Variants in ARL15 observed in about 807,000 individuals in gnomAD.
ARL15 encodes the protein ARF like GTPase 15.
Under a neutral mutation model 25.2 loss-of-function variants are expected in ARL15, and 19 were observed. The ratio of observed to expected loss-of-function variants is 0.75; its 90% CI spans 0.53 to 1.10. ARL15 has a LOEUF of 1.10. ARL15 is among the 50% of genes least tolerant of loss of function. ARL15 has a pLI of 0.00. For synonymous variants in ARL15, 94 were observed against 86.8 expected (o/e 1.08, Z -0.46); for missense variants, 220 against 246.0 (o/e 0.89, Z 0.71).
chr5:53,938,141 T>C (rs948364608), intron 4 of ARL15, among the ~76,000 whole-genome samples: 5 of 152,174 alleles, frequency 3.3e-5, no homozygotes, highest in African/African-American at 1.2e-4. Flanking sequence ...CCTACAAACA[T>C]GCAAAATGTT....
chr5:54,236,199 CGGAT>C (rs750034554), intron 1 of ARL15, among the ~76,000 whole-genome samples: 83 of 152,284 alleles, frequency 5.5e-4, no homozygotes, highest in Non-Finnish European at 6.3e-4. Context: ...AGTGTCTGAT[CGGAT>C]AACTATGTTC....
intron 2 of ARL15, among the ~76,000 whole-genome samples, chr5:54,165,552 A>G (rs564881812): frequency 6.6e-6 from 1 of 151,486 alleles, no homozygotes; most frequent in East Asian, 1.9e-4. Context: ...GCATTTTTCC[A>G]GTGAAAAAAT....
chr5:54,141,437 G>A (rs1028140941), intron 3 of ARL15, among the ~76,000 whole-genome samples: 6 of 151,922 alleles, frequency 3.9e-5, no homozygotes, highest in African/African-American at 9.7e-5. Context: ...CCAAGAAAAG[G>A]GCCAAAGTCT....
intron 1 of ARL15, among the ~76,000 whole-genome samples, chr5:54,194,461 C>T (rs1010558476): frequency 6.6e-6 from 1 of 151,774 alleles, no homozygotes; most frequent in African/African-American, 2.4e-5. Flanking sequence ...GTATTTTGGC[C>T]CTAAAACATT....
chr5:54,132,637 G>A (rs1035592585), intron 3 of ARL15, among the ~76,000 whole-genome samples: 1 of 151,994 alleles, frequency 6.6e-6, no homozygotes, highest in Non-Finnish European at 1.5e-5. Context: ...CTACTCCATA[G>A]ATAGGGGCTG....
At chr5:54,097,921 A>T (rs1430535034) in intron 4 of ARL15, among the ~76,000 whole-genome samples, 1 of 152,142 alleles carries the variant, frequency 6.6e-6, no homozygotes, top group African/African-American at 2.4e-5. Flanking sequence ...TGAGGACATA[A>T]ATTCACAAAC....
intron 4 of ARL15, among the ~76,000 whole-genome samples, chr5:53,898,952 C>A (rs1057351126): frequency 6.6e-6 from 1 of 152,154 alleles, no homozygotes; most frequent in Non-Finnish European, 1.5e-5. Context: ...CTGTACCCAG[C>A]CCCTTTTTAT....
At chr5:54,130,099 A>C (rs1423969397) in intron 3 of ARL15, among the ~76,000 whole-genome samples, 1 of 152,092 alleles carries the variant, frequency 6.6e-6, no homozygotes, top group Non-Finnish European at 1.5e-5. Flanking sequence ...TCAGCCAGAT[A>C]TGGTGGCACA....
chr5:54,091,715 A>C (rs1181024323), intron 4 of ARL15, among the ~76,000 whole-genome samples: 1 of 151,906 alleles, frequency 6.6e-6, no homozygotes, highest in Non-Finnish European at 1.5e-5. Context: ...TTTGGCACAG[A>C]CCTTTGGAGC....
At chr5:54,081,004 GGCCATC>G (rs771247306) in intron 4 of ARL15, among the ~76,000 whole-genome samples, 15 of 152,064 alleles carry the variant, frequency 9.9e-5, no homozygotes, top group Non-Finnish European at 1.9e-4. Flanking sequence ...TTCCTCTTAA[GGCCATC>G]AACCCTATCA....
chr5:53,932,663 C>G (rs1470191042), intron 4 of ARL15, among the ~76,000 whole-genome samples: 2 of 152,148 alleles, frequency 1.3e-5, no homozygotes. Context: ...CAGGATAAAG[C>G]CAATGTTTGT....
At chr5:53,899,090 T>A (rs1182130211) in intron 4 of ARL15, among the ~76,000 whole-genome samples, 1 of 152,020 alleles carries the variant, frequency 6.6e-6, no homozygotes, top group Non-Finnish European at 1.5e-5. Context: ...CTCACACCAG[T>A]AATCCCAGCA....
chr5:54,020,583 A>G (rs1749566567), intron 4 of ARL15, among the ~76,000 whole-genome samples: 1 of 152,198 alleles, frequency 6.6e-6, no homozygotes. Context: ...ATTTCATGAA[A>G]TAATAGCCAA....
intron 4 of ARL15, among the ~76,000 whole-genome samples, chr5:54,039,547 C>A (rs921987622): frequency 4.0e-5 from 6 of 151,852 alleles, no homozygotes; most frequent in African/African-American, 7.3e-5. Context: ...GGCCTGTAAT[C>A]CCAGCACTTT....
At chr5:54,114,323 G>C (rs1354916398) in intron 3 of ARL15, among the ~76,000 whole-genome samples, 2 of 149,610 alleles carry the variant, frequency 1.3e-5, no homozygotes, top group Admixed American at 6.7e-5. Flanking sequence ...AGGATCGCTT[G>C]AACCCGGGAG....
In ARL15 at chr5:54,310,455, C is replaced by T. The variant is rs1268234662; in HGVS notation, c.25G>A (p.Ala9Thr). Residue 9 changes from alanine to threonine, a missense_variant, in exon 1 of 5, where the codon GCG (alanine) becomes ACG (threonine). Ala to Thr is a moderately conservative substitution (Grantham distance 58, BLOSUM62 0). Coordinates refer to ENST00000504924, the MANE Select transcript of ARL15 (RefSeq NM_019087.3). ...ACCAGATAATCCATGTACAGAAACGCCTCAGTTATTCGGAGATCAGACATC... is the reference window on the plus strand; with the variant it reads ...ACCAGATAATCCATGTACAGAAACGTCTCAGTTATTCGGAGATCAGACATC... MSDLRITEAFLYMDYLCFR... is the reference protein window; with the variant it reads MSDLRITETFLYMDYLCFR... The T allele has an allele frequency of 1.9e-5, 31 of 1,609,656 alleles. No individual in the cohort carries two copies. The highest frequency in any genetic ancestry group is 2.2e-5 in the Non-Finnish European group (26 of 1,178,190).
At chr5:54,165,364 T>A (rs1322824874) in intron 2 of ARL15, among the ~76,000 whole-genome samples, 1 of 152,054 alleles carries the variant, frequency 6.6e-6, no homozygotes, top group Non-Finnish European at 1.5e-5. Context: ...TTTTTCTGAC[T>A]CAAGGACTTC....
At chr5:54,004,145 C>A (rs1175648943) in intron 4 of ARL15, among the ~76,000 whole-genome samples, 2 of 152,096 alleles carry the variant, frequency 1.3e-5, no homozygotes, top group Non-Finnish European at 2.9e-5. Context: ...GACAACATTC[C>A]CAGCACTTTA....
intron 2 of ARL15, among the ~76,000 whole-genome samples, chr5:54,155,014 G>C (rs1754185627): frequency 6.6e-6 from 1 of 152,034 alleles, no homozygotes; most frequent in Non-Finnish European, 1.5e-5. Flanking sequence ...CCAGCTACTC[G>C]GGAGGCTGAG....
Sources: allele counts gnomAD v4.1 joint callset (sites outside exome capture counted in the v4.1 genomes callset), GRCh38; gene constraint gnomAD v4.1.1; transcripts MANE v1.5; gene names NCBI Gene and HGNC (gene_info 2026-07-23, HGNC 2026-07-21).